Variants in MGAM observed in about 807,000 individuals in gnomAD.
MGAM encodes maltase-glucoamylase.
In MGAM, 253 loss-of-function variants were observed where a neutral mutation model predicts 358.8. That is an observed-to-expected ratio of 0.71 (90% confidence interval 0.64 to 0.78). MGAM has a LOEUF of 0.78. Among genes scored for constraint, MGAM ranks in the 30% least tolerant of loss-of-function variants. MGAM has a pLI of 0.00. For synonymous variants in MGAM, 1,105 were observed against 1,227.1 expected, an observed-to-expected ratio of 0.90 and a Z score of 2.08; for missense variants, 3,080 against 3,432.6, an observed-to-expected ratio of 0.90 and a Z score of 2.57.
rs1554463815 is a variant in MGAM, at chr7:142,031,687, C to T, written c.1478C>T (p.Pro493Leu). The T allele has an allele frequency of 6.2e-7, 1 of 1,609,702 alleles. No individual in the cohort carries two copies. The highest frequency in any genetic ancestry group is 1.7e-5 in the Admixed American group (1 of 59,886). Residue 493 changes from proline (P) to leucine (L), a missense_variant, in exon 13 of 71, where the codon CCT (proline) becomes CTT (leucine). Coordinates refer to ENST00000475668, the MANE Select transcript of MGAM (RefSeq NM_001365693.1). The stretch of plus-strand genomic sequence containing the variant: ...TTTCTTTTTCTCCTGAAGGTCTGGC[C>T]TGGACAAACTGTGTTTCCTGATTAT... ...GVTPLIGEVW[P>L]GQTVFPDYTN...
chr7:142,020,604 T>TATA (rs57193106), intron 4 of MGAM, among the ~76,000 whole-genome samples: 1,812 of 107,350 alleles, frequency 0.017, 12 homozygotes, highest in African/African-American at 0.043. Flanking sequence ...TATATATATA[T>TATA]TTTTTTTTTT....
intron 37 of MGAM, among the ~76,000 whole-genome samples, chr7:142,065,103 G>A (rs1441093405): frequency 2.0e-5 from 3 of 152,138 alleles, no homozygotes; most frequent in Non-Finnish European, 2.9e-5. Context: ...TATTTTGGGA[G>A]TACTCCAGTG....
Position 142,019,280 on chromosome 7 carries a change from A to G in MGAM, c.409A>G (p.Ser137Gly), listed in dbSNP as rs1806221161. ...CTGGTGCTACTATTCCAAGAATCAT[A>G]GCTACCATGTAGAGGGCAACCTTGT... Reference protein sequence around the residue: ...VPWCYYSKNHSYHVEGNLVNT... With the variant: ...VPWCYYSKNHGYHVEGNLVNT... Residue 137 changes from serine to glycine, a missense_variant, in exon 4 of 71, where the codon AGC (serine) becomes GGC (glycine). By Grantham distance (56) the Ser-to-Gly change is moderately conservative (BLOSUM62 0). Coordinates refer to ENST00000475668, the MANE Select transcript of MGAM (RefSeq NM_001365693.1). The G allele has an allele frequency of 1.2e-6, 2 of 1,613,620 alleles. No individual in the cohort carries two copies. The highest frequency in any genetic ancestry group is 2.7e-5 in the African/African-American group (2 of 75,048).
intron 49 of MGAM, among the ~76,000 whole-genome samples, chr7:142,080,112 T>C (rs1814120083): frequency 6.8e-6 from 1 of 146,724 alleles, no homozygotes; most frequent in Non-Finnish European, 1.5e-5. Context: ...AAGTTTCTAA[T>C]ACTCTAGATT....
chr7:142,054,654 A>G (rs533132336), intron 26 of MGAM, 100 bp from the exon 27 acceptor site: 5 of 1,249,272 alleles, frequency 4.0e-6, no homozygotes, highest in African/African-American at 3.0e-5. Flanking sequence ...AGATAGAAAC[A>G]TAGCATCTGA....
At position 142,096,407 on chromosome 7, in the gene MGAM, C is replaced by T; in HGVS notation, c.7684C>T (p.Leu2562=). Reference sequence around the variant, plus strand: ...CCCAGCCTTCCTGGTCAGCCCTGTCCTGGAGCGTGTGAGTATGGAGGCCTC... The same window carrying T: ...CCCAGCCTTCCTGGTCAGCCCTGTCTTGGAGCGTGTGAGTATGGAGGCCTC... ...LGPAFLVSPV[L]ERNARNVTAY... is the part of the protein sequence containing the mutation. Residue 2562 remains leucine (L), a synonymous_variant, in exon 65 of 71, where the codon CTG becomes TTG. Transcript: ENST00000475668. 6.2e-7 allele frequency: 1 copy of T among 1,613,740 alleles called. No homozygotes were observed. Among genetic ancestry groups the T allele is most frequent in the Non-Finnish European group, 8.5e-7 (1 of 1,179,710 alleles).
intron 21 of MGAM, among the ~76,000 whole-genome samples, chr7:142,044,387 A>T (rs1463663390): frequency 9.4e-6 from 1 of 106,836 alleles, no homozygotes; most frequent in Admixed American, 1.2e-4. Context: ...AATATTATAT[A>T]CACATACGAT....
chr7:142,014,654 A>C (rs1417482573), intron 3 of MGAM, among the ~76,000 whole-genome samples: 1 of 152,106 alleles, frequency 6.6e-6, no homozygotes, highest in Admixed American at 6.5e-5. Flanking sequence ...ATTGATATTT[A>C]CCATGCATTC....
rs1320988322 is a variant in MGAM at position 142,055,554 on chromosome 7, T to G, written c.3315-4T>G. The G allele has an allele frequency of 6.2e-7, 1 of 1,613,956 alleles. No individual in the cohort carries two copies. The highest frequency in any genetic ancestry group is 8.5e-7 in the Non-Finnish European group (1 of 1,179,856). ...TGTTTCAAATCTGCGTTTTTGTGTT[T>G]CAGTTGGGACTCTCAGCTCCTTGGC... On this transcript the variant is annotated splice_region_variant and splice_polypyrimidine_tract_variant and intron_variant, in intron 27 of 70. Coordinates refer to ENST00000475668, the MANE Select transcript of MGAM (RefSeq NM_001365693.1).
At position 142,056,943 on chromosome 7, in the gene MGAM, G is replaced by A. The variant is rs1410713128; in HGVS notation, c.3693+1G>A. ...GCTTGTCACCCAGCAGTACACTGAG[G>A]TAGGGGGAAATCCAATTGTTTATCA... On this transcript the variant is annotated splice_donor_variant, in intron 30 of 70. Coordinates refer to ENST00000475668, the MANE Select transcript of MGAM (RefSeq NM_001365693.1). LOFTEE classifies it high-confidence loss of function. 1.2e-6 allele frequency: 2 copies of A among 1,613,458 alleles called. No homozygotes were observed. Among genetic ancestry groups the A allele is most frequent in the East Asian group, 2.2e-5 (1 of 44,856 alleles).
chr7:142,094,405 C>T lies in MGAM; in HGVS notation c.7214C>T (p.Thr2405Ile), dbSNP rs1815692441. 6.5e-7 allele frequency: 1 copy of T among 1,534,016 alleles called. No homozygotes were observed. Among genetic ancestry groups the T allele is most frequent in the Non-Finnish European group, 8.9e-7 (1 of 1,121,612 alleles). Residue 2405 changes from threonine to isoleucine, a missense_variant, in exon 61 of 71, where the codon ACC (threonine) becomes ATC (isoleucine). By Grantham distance (89) the Thr-to-Ile change is moderately conservative. Around this residue, in one of 5 missense-constraint regions of MGAM, gnomAD observed 932 missense variants for 1,198.2 expected, o/e 0.78. Transcript: ENST00000475668. ...ACAGGACAGCGAGGGGTCGTCATCA[C>T]CCGCTCCACATTTCCCTCTTCTGGC... is the stretch of plus-strand genomic sequence containing the variant. ...EVTGQRGVVI[T>I]RSTFPSSGRW...
chr7:142,052,862 C>A lies in MGAM; in HGVS notation c.3037C>A (p.His1013Asn). The change falls in exon 26 of 71, where the codon CAT (histidine) becomes AAT (asparagine). Residue 1013 changes from histidine (H) to asparagine (N), a missense_variant. This residue lies in a region of MGAM where 1,816 missense variants were observed against 1,840.5 expected (regional missense o/e 0.99). Transcript: ENST00000475668. ...TGTCAGTGATGTTCAGTATAATTCC[C>A]ATGGGGCCACAGCTGACATCTCCTT... The part of the protein sequence containing the change: ...YSVSDVQYNS[H>N]GATADISLKS... The A allele has an allele frequency of 6.2e-7, 1 of 1,613,866 alleles. No homozygotes were observed. Among genetic ancestry groups the A allele is most frequent in the East Asian group, 2.2e-5 (1 of 44,872 alleles).
chr7:141,993,765 T>G (rs1188291812), upstream of MGAM, among the ~76,000 whole-genome samples: 1 of 152,202 alleles, frequency 6.6e-6, no homozygotes, highest in Non-Finnish European at 1.5e-5. Context: ...TCACAGTTAC[T>G]TTCACATCAT....
At chr7:142,009,455 TACTCAATAGCTC>T (rs1442874903) in intron 3 of MGAM, among the ~76,000 whole-genome samples, 1 of 152,200 alleles carries the variant, frequency 6.6e-6, no homozygotes, top group Non-Finnish European at 1.5e-5. Flanking sequence ...ACTCAAGCTG[TACTCAATAGCTC>T]ACTCATTACT....
At chr7:142,010,230 T>C (rs781920561) in intron 3 of MGAM, among the ~76,000 whole-genome samples, 2 of 152,040 alleles carry the variant, frequency 1.3e-5, no homozygotes, top group Non-Finnish European at 2.9e-5. Context: ...TCATGGATCT[T>C]AGAAAAAAAG....
intron 7 of MGAM, among the ~76,000 whole-genome samples, chr7:142,022,856 C>G (rs537711961): frequency 9.2e-5 from 14 of 152,246 alleles, no homozygotes; most frequent in African/African-American, 3.4e-4. Context: ...CACTGACTCA[C>G]CAGGTTTATC....
At chr7:142,043,081 A>G (rs189152745) in intron 21 of MGAM, among the ~76,000 whole-genome samples, 8,611 of 54,842 alleles carry the variant, frequency 0.16, 20 homozygotes, top group Non-Finnish European at 0.2. Context: ...ATATCTAAAT[A>G]TAATATATAT....
Position 142,059,905 on chromosome 7 carries a change from G to A in MGAM, c.3998G>A (p.Arg1333Gln), listed in dbSNP as rs372720908. 41 of 1,611,130 alleles carry A rather than the reference G, an allele frequency of 2.5e-5. No individual in the cohort carries two copies. The highest frequency in any genetic ancestry group is 3.3e-4 in the Middle Eastern group (2 of 6,084). ...NETQPYPAFT[R>Q]GVEDDVFIKY... is the part of the protein sequence containing the mutation. Reference sequence around the variant, plus strand: ...ACACAGCCTTATCCTGCCTTCACTCGGGGCGTGGAGGATGACGTCTTCATC... The same window carrying A: ...ACACAGCCTTATCCTGCCTTCACTCAGGGCGTGGAGGATGACGTCTTCATC... The change falls in exon 33 of 71, where the codon CGG (arginine) becomes CAG (glutamine). Residue 1333 changes from arginine (R) to glutamine (Q), a missense_variant. Arg to Gln is a conservative substitution (Grantham distance 43). Transcript: ENST00000475668.
At chr7:142,009,948 A>G (rs1165132231) in intron 3 of MGAM, among the ~76,000 whole-genome samples, 2 of 152,202 alleles carry the variant, frequency 1.3e-5, no homozygotes, top group Non-Finnish European at 2.9e-5. Context: ...TGAACACAAC[A>G]GATAGGCTAG....
Sources: allele counts gnomAD v4.1 joint callset (sites outside exome capture counted in the v4.1 genomes callset), GRCh38; gene constraint gnomAD v4.1.1; regional missense constraint gnomAD v4.1.1; transcripts MANE v1.5; gene names NCBI Gene and HGNC (gene_info 2026-07-23, HGNC 2026-07-21).